NTM: variants seen among roughly 807,000 people sequenced by gnomAD.
NTM encodes the protein IgLON family member 2.
A neutral mutation model predicts 42.1 loss-of-function variants in NTM; 13 were observed. That is an observed-to-expected ratio of 0.31 (90% CI 0.20 to 0.49). The LOEUF (loss-of-function observed/expected upper bound fraction) is 0.49. NTM is among the 20% of genes least tolerant of loss of function. NTM has a pLI of 0.99. For missense variants in NTM, 373 were observed against 452.8 expected, an observed-to-expected ratio of 0.82 and a Z score of 1.60; for synonymous variants, 187 against 179.2, an observed-to-expected ratio of 1.04 and a Z score of -0.35.
At chr11:131,420,388 T>C (rs1947379696) in intron 1 of NTM, among the ~76,000 whole-genome samples, 1 of 152,144 alleles carries the variant, frequency 6.6e-6, no homozygotes, top group African/African-American at 2.4e-5. Flanking sequence ...AACCTGCAGG[T>C]AGAACCAGCT....
intron 2 of NTM, among the ~76,000 whole-genome samples, chr11:131,955,170 C>T (rs934618424): frequency 7.9e-5 from 12 of 152,188 alleles, no homozygotes; most frequent in Admixed American, 4.6e-4. Context: ...CCACCCTCAG[C>T]CTCAGCCTCA....
chr11:132,194,139 GAAAC>G (rs1169438072), intron 3 of NTM, among the ~76,000 whole-genome samples: 4 of 51,118 alleles, frequency 7.8e-5, no homozygotes, highest in South Asian at 5.4e-4. Context: ...AAGACACAAT[GAAAC>G]AAACAAACAA....
chr11:132,326,205 C>G (rs182077601), intron 7 of NTM, among the ~76,000 whole-genome samples: 1 of 151,966 alleles, frequency 6.6e-6, no homozygotes, highest in African/African-American at 2.4e-5. Flanking sequence ...GGCTAACATA[C>G]AGTATCAGGG....
At chr11:132,244,441 T>G in intron 4 of NTM, among the ~76,000 whole-genome samples, 1 of 152,222 alleles carries the variant, frequency 6.6e-6, no homozygotes, top group Admixed American at 6.5e-5. Context: ...AACAGACTGA[T>G]TCATCAATTC....
intron 3 of NTM, among the ~76,000 whole-genome samples, chr11:132,188,995 G>T (rs936567034): frequency 5.3e-5 from 8 of 152,194 alleles, no homozygotes; most frequent in Admixed American, 6.5e-5. Flanking sequence ...TAATAAGAAA[G>T]AAAGGAGGCC....
At chr11:132,149,565 A>G (rs1320027508) in intron 3 of NTM, among the ~76,000 whole-genome samples, 1 of 152,210 alleles carries the variant, frequency 6.6e-6, no homozygotes, top group Non-Finnish European at 1.5e-5. Flanking sequence ...AAGCTGCTTC[A>G]GGTCTGGGGT....
chr11:131,394,356 C>T (rs1944328324), intron 1 of NTM, among the ~76,000 whole-genome samples: 1 of 152,244 alleles, frequency 6.6e-6, no homozygotes, highest in Admixed American at 6.5e-5. Context: ...GGAGATTCCC[C>T]ACCCCTGCCC....
intron 2 of NTM, among the ~76,000 whole-genome samples, chr11:132,063,123 G>A (rs1460927664): frequency 6.6e-6 from 1 of 152,136 alleles, no homozygotes; most frequent in East Asian, 1.9e-4. Flanking sequence ...GTTTGCAGAT[G>A]GCTGTCTTCT....
chr11:132,061,146 A>C (rs2080604039), intron 2 of NTM, among the ~76,000 whole-genome samples: 1 of 152,224 alleles, frequency 6.6e-6, no homozygotes, highest in South Asian at 2.1e-4. Context: ...AAATCAAGAT[A>C]GTCACACACT....
At chr11:132,089,507 CTA>C (rs1287780334) in intron 2 of NTM, among the ~76,000 whole-genome samples, 1 of 152,192 alleles carries the variant, frequency 6.6e-6, no homozygotes, top group Admixed American at 6.5e-5. Flanking sequence ...ATTGAGAAGA[CTA>C]TGGCATTTGC....
chr11:131,609,344 G>C (rs1353776580), intron 1 of NTM, among the ~76,000 whole-genome samples: 3 of 152,206 alleles, frequency 2.0e-5, no homozygotes, highest in Non-Finnish European at 4.4e-5. Flanking sequence ...TTAGAAGTGT[G>C]GTCAAAGTCC....
At chr11:132,307,232 T>C (rs1462069170) in intron 4 of NTM, among the ~76,000 whole-genome samples, 2 of 152,182 alleles carry the variant, frequency 1.3e-5, no homozygotes, top group Non-Finnish European at 2.9e-5. Flanking sequence ...TGTGTGTATG[T>C]GTATGTAGCT....
intron 1 of NTM, among the ~76,000 whole-genome samples, chr11:131,789,802 A>C (rs1164518356): frequency 6.7e-6 from 1 of 149,562 alleles, no homozygotes; most frequent in Non-Finnish European, 1.5e-5. Flanking sequence ...TAAAAATACA[A>C]AAAATTAGCC....
chr11:131,947,386 G>A (rs531472051), intron 2 of NTM, among the ~76,000 whole-genome samples: 12 of 152,254 alleles, frequency 7.9e-5, no homozygotes, highest in Admixed American at 5.2e-4. Context: ...TGCCTGTGGA[G>A]TCATCTACTC....
intron 1 of NTM, among the ~76,000 whole-genome samples, chr11:131,835,285 G>A (rs985618538): frequency 6.6e-6 from 1 of 152,062 alleles, no homozygotes; most frequent in Non-Finnish European, 1.5e-5. Context: ...GTAAACAAGT[G>A]CCATCGAGAA....
At chr11:131,716,200 T>C (rs952545970) in intron 1 of NTM, among the ~76,000 whole-genome samples, 5 of 152,178 alleles carry the variant, frequency 3.3e-5, no homozygotes, top group African/African-American at 1.2e-4. Flanking sequence ...GGGCCTTTTT[T>C]ATAAGAGCAC....
intron 1 of NTM, among the ~76,000 whole-genome samples, chr11:131,688,337 G>C (rs113619001): frequency 1.3e-5 from 2 of 152,216 alleles, no homozygotes; most frequent in African/African-American, 4.8e-5. Flanking sequence ...TTCAAAGCAG[G>C]GTTGGAAGGA....
At chr11:131,856,915 C>G (rs1015966683) in intron 1 of NTM, among the ~76,000 whole-genome samples, 1 of 152,188 alleles carries the variant, frequency 6.6e-6, no homozygotes, top group African/African-American at 2.4e-5. Context: ...AATGATAAAA[C>G]TGGGGCTGGC....
chr11:131,756,249 C>G (rs7950086), intron 1 of NTM, among the ~76,000 whole-genome samples: 31,469 of 152,056 alleles, frequency 0.21, 4,694 homozygotes, highest in African/African-American at 0.42. Flanking sequence ...GGAAGAATAG[C>G]GGTGGAGGTA....
Sources: gnomAD v4.1 joint callset for allele counts (sites outside exome capture counted in the v4.1 genomes callset) on GRCh38, gnomAD v4.1.1 for gene constraint, MANE v1.5 for transcripts, NCBI Gene and HGNC (gene_info 2026-07-23, HGNC 2026-07-21) for gene names.